Variants in IL31RA observed in about 807,000 individuals in gnomAD.
IL31RA encodes the protein interleukin-31 receptor subunit alpha.
Under a neutral mutation model 83.7 loss-of-function variants are expected in IL31RA, and 66 were observed. That is an observed-to-expected ratio of 0.79 (90% CI 0.65 to 0.97). The LOEUF is 0.97. Ranked by LOEUF, IL31RA falls within the 50% of genes least tolerant of loss-of-function variation. The probability of loss-of-function intolerance (pLI) is 0.00; values close to 1 mark genes in which losing one functional copy is unlikely to be tolerated. For synonymous variants in IL31RA, 325 were observed against 329.0 expected (o/e 0.99, Z 0.13); for missense variants, 798 against 919.4 (o/e 0.87, Z 1.71).
chr5:55,846,277 A>G, the IL31RA span, among the ~76,000 whole-genome samples: 1 of 152,246 alleles, frequency 6.6e-6, no homozygotes, highest in Non-Finnish European at 1.5e-5. Context: ...AGCTCCTTAC[A>G]TGGGGAACCA....
intron 3 of IL31RA, among the ~76,000 whole-genome samples, chr5:55,870,006 T>A (rs1382090320): frequency 1.3e-5 from 2 of 152,176 alleles, no homozygotes; most frequent in African/African-American, 4.8e-5. Context: ...AGCACTGATA[T>A]AGCTACGAGA....
In IL31RA at chr5:55,903,908, G is replaced by C. The variant is rs1365720886; in HGVS notation, c.1070-2198G>C. On this transcript the variant is annotated intron_variant, in intron 8 of 14. Transcript: ENST00000652347. This position sits in a 1 kb window ranked among gnomAD's most constrained non-coding sequence, Gnocchi z 4.7. ...GCCAGAAGTCCCACATCAAGGTGCT[G>C]GTTGGCCATGCTCCCTAAAGTCTCT... Among the ~76,000 whole-genome samples, 1 of 152,188 alleles carries C rather than the reference G, an allele frequency of 6.6e-6. No individual in the cohort carries two copies. The highest frequency in any genetic ancestry group is 1.9e-4 in the East Asian group (1 of 5,204).
Position 55,900,145 on chromosome 5 carries a change from T to A in IL31RA, c.1069+13T>A. ...ATTCAAGAAAAATGTAAGTAGAGCATCAACTTCTTCCTTAGGTGCCTGGTC... is the reference window on the plus strand; with the variant it reads ...ATTCAAGAAAAATGTAAGTAGAGCAACAACTTCTTCCTTAGGTGCCTGGTC... On this transcript the variant is annotated intron_variant, in intron 8 of 14. Coordinates refer to ENST00000652347, the MANE Select transcript of IL31RA (RefSeq NM_139017.7). The A allele has an allele frequency of 6.3e-7, 1 of 1,578,778 alleles. No individual in the cohort carries two copies. Among genetic ancestry groups the A allele is most frequent in the Non-Finnish European group, 8.7e-7 (1 of 1,147,800 alleles).
chr5:55,897,649 A>G (rs1748495774), intron 7 of IL31RA, among the ~76,000 whole-genome samples: 1 of 148,860 alleles, frequency 6.7e-6, no homozygotes, highest in South Asian at 2.1e-4. Context: ...GAACAGGAGA[A>G]GTCAGGTGGG....
At chr5:55,902,968 T>G (rs1056200088) in intron 8 of IL31RA, among the ~76,000 whole-genome samples, 2 of 152,150 alleles carry the variant, frequency 1.3e-5, no homozygotes, top group African/African-American at 4.8e-5. Context: ...ATTCCCAACT[T>G]GTACCATATC....
chr5:55,860,813 A>C (rs924893773), intron 2 of IL31RA, among the ~76,000 whole-genome samples: 13 of 152,218 alleles, frequency 8.5e-5, no homozygotes, highest in Admixed American at 3.9e-4. Context: ...TTGGGCTGCC[A>C]TAACAAAATA....
intron 12 of IL31RA, among the ~76,000 whole-genome samples, chr5:55,912,246 A>G (rs1353749569): frequency 1.3e-5 from 2 of 152,200 alleles, no homozygotes; most frequent in Non-Finnish European, 2.9e-5. Flanking sequence ...TAAAAGCCAC[A>G]GTGACTTTTA....
At chr5:55,902,313 T>A (rs1477805625) in intron 8 of IL31RA, 1 of 152,136 alleles carries the variant, frequency 6.6e-6, no homozygotes, top group African/African-American at 2.4e-5. Flanking sequence ...TTACAGATGC[T>A]AGTCCCAGAC....
intron 14 of IL31RA, 36 bp from the exon 15 acceptor site, chr5:55,916,608 A>G (rs767603885): frequency 5.0e-6 from 8 of 1,588,278 alleles, no homozygotes; most frequent in Non-Finnish European, 6.1e-6. Flanking sequence ...TGTGACTCCT[A>G]AATGACCACT....
In IL31RA at chr5:55,872,271, G is replaced by A. The variant is rs147957239; in HGVS notation, c.274G>A (p.Ala92Thr). 29 of 1,611,066 alleles carry A rather than the reference G, an allele frequency of 1.8e-5. No individual in the cohort carries two copies. Among genetic ancestry groups the A allele is most frequent in the African/African-American group, 4.0e-5 (3 of 74,898 alleles). Residue 92 changes from alanine (A) to threonine (T), a missense_variant and splice_region_variant, in exon 4 of 15, where the codon GCT becomes ACT. Physicochemically the swap from Ala to Thr is moderately conservative, Grantham distance 58. Transcript: ENST00000652347. ...GTTGAATCACTTTTTCTTTCAAAGC[G>A]CTTTTGGAGAAAAACATGATAATTG... ...YTQYTVKRTYAFGEKHDNCTT... is the reference protein window; with the variant it reads ...YTQYTVKRTYTFGEKHDNCTT...
intron 11 of IL31RA, chr5:55,909,082 A>C: frequency 5.7e-6 from 1 of 174,470 alleles, no homozygotes; most frequent in Non-Finnish European, 1.2e-5. Flanking sequence ...CAACTACCAA[A>C]CTGCTTTGTG....
upstream of IL31RA, among the ~76,000 whole-genome samples, chr5:55,847,244 A>AAAATAAAT (rs371149253): frequency 8.2e-5 from 5 of 61,158 alleles, no homozygotes; most frequent in South Asian, 6.0e-4. Context: ...AAAAAAAATA[A>AAAATAAAT]AAATAAATAA....
At chr5:55,870,235 T>C (rs900666995) in intron 3 of IL31RA, among the ~76,000 whole-genome samples, 5 of 152,348 alleles carry the variant, frequency 3.3e-5, no homozygotes, top group African/African-American at 4.8e-5. Context: ...GTGAATATTA[T>C]ATAATTTTCA....
intron 5 of IL31RA, among the ~76,000 whole-genome samples, chr5:55,888,377 C>G (rs1381994728): frequency 1.3e-5 from 2 of 152,288 alleles, no homozygotes; most frequent in East Asian, 3.9e-4. Context: ...TTCATCTTCT[C>G]TGAGGCCGGG....
In IL31RA at chr5:55,916,514, T is replaced by C; in HGVS notation, c.1819-130T>C. On this transcript the variant is annotated intron_variant, in intron 14 of 14. Coordinates refer to ENST00000652347, the MANE Select transcript of IL31RA (RefSeq NM_139017.7). ...GCATGCAGAGAGGGTTGGCTACCAC[T>C]TCTGGGCCTGGGAGGAAGGTGGGGG... is the stretch of plus-strand genomic sequence containing the variant. 5.0e-6 allele frequency: 4 copies of C among 795,492 alleles called. 1 individual carries two copies. The South Asian group carries it at 5.8e-5, about 11-fold the overall frequency. The allele number at this position is 795,492 out of a possible 1,614,324, so 49.3% of individuals were successfully genotyped here.
In IL31RA at chr5:55,922,579, C is replaced by A; in HGVS notation, c.*5459C>A. 1.6e-6 allele frequency: 1 copy of A among 638,754 alleles called. No individual in the cohort carries two copies. The allele number at this position is 638,754 out of a possible 1,614,324, so 39.6% of individuals were successfully genotyped here. ...TATGTGGTCTTTTCCACACATGGAC[C>A]ACCTACGGATGCAATCTGTAATGCA... On this transcript the variant is annotated 3_prime_UTR_variant, in exon 15 of 15. Transcript: ENST00000652347.
At chr5:55,840,002 G>A in the IL31RA span, 10 of 528,720 alleles carry the variant, frequency 1.9e-5, no homozygotes, top group East Asian at 3.5e-5. Flanking sequence ...TAAACCCCTC[G>A]CCACCTTTGG....
At position 55,919,762 on chromosome 5, in the gene IL31RA, T is replaced by A. The variant is rs114132977; in HGVS notation, c.*2642T>A. Among the ~76,000 whole-genome samples, 1,344 of 152,306 alleles carry A rather than the reference T, an allele frequency of 8.8e-3. 25 individuals are homozygous for A. The highest frequency in any genetic ancestry group is 0.031 in the African/African-American group (1,271 of 41,570). On this transcript the variant is annotated 3_prime_UTR_variant, in exon 15 of 15. Transcript: ENST00000652347. Reference sequence around the variant, plus strand: ...CTGGTGGGCCACACCTTAGCTCTCCTGAGCAGGTTCACAGGATGTGAGCCT... The same window carrying A: ...CTGGTGGGCCACACCTTAGCTCTCCAGAGCAGGTTCACAGGATGTGAGCCT...
upstream of IL31RA, among the ~76,000 whole-genome samples, chr5:55,848,747 G>A (rs1180955660): frequency 6.6e-6 from 1 of 152,180 alleles, no homozygotes; most frequent in Non-Finnish European, 1.5e-5. Context: ...CTAACAAGGT[G>A]TGAGATGGGG....
Sources: allele counts gnomAD v4.1 joint callset (sites outside exome capture counted in the v4.1 genomes callset), GRCh38; gene constraint gnomAD v4.1.1; non-coding constraint Gnocchi (gnomAD v3.1); transcripts MANE v1.5; gene names NCBI Gene and HGNC (gene_info 2026-07-23, HGNC 2026-07-21).